GOLGB1: variants seen among roughly 807,000 people sequenced by gnomAD.
GOLGB1 encodes the protein golgin B1.
A neutral mutation model predicts 336.9 loss-of-function variants in GOLGB1; 174 were observed. That is an observed-to-expected ratio of 0.52 (90% CI 0.46 to 0.59). GOLGB1 has a LOEUF of 0.59. Ranked by LOEUF, GOLGB1 falls within the 20% of genes least tolerant of loss-of-function variation. GOLGB1 has a pLI of 0.00. For missense variants in GOLGB1, 3,331 were observed against 3,645.3 expected, an observed-to-expected ratio of 0.91 and a Z score of 2.22; for synonymous variants, 1,208 against 1,289.2, an observed-to-expected ratio of 0.94 and a Z score of 1.35.
chr3:121,671,632 C>A (rs953865309), intron 17 of GOLGB1, among the ~76,000 whole-genome samples: 1 of 152,116 alleles, frequency 6.6e-6, no homozygotes, highest in Non-Finnish European at 1.5e-5. Context: ...TTTGTCTTTC[C>A]TTTACGCTAG....
At chr3:121,699,402 C>T (rs1328818742) in intron 12 of GOLGB1, among the ~76,000 whole-genome samples, 1 of 152,098 alleles carries the variant, frequency 6.6e-6, no homozygotes, top group Non-Finnish European at 1.5e-5. Context: ...AGCAACCATA[C>T]CCTTCTTATA....
At chr3:121,739,876 A>G (rs577122389) in intron 1 of GOLGB1, among the ~76,000 whole-genome samples, 4 of 152,244 alleles carry the variant, frequency 2.6e-5, no homozygotes, top group Non-Finnish European at 4.4e-5. Context: ...CTTCTCAGAA[A>G]TAAAAAGCAA....
chr3:121,719,320 T>C (rs1350324094), intron 7 of GOLGB1, among the ~76,000 whole-genome samples: 2 of 152,210 alleles, frequency 1.3e-5, no homozygotes, highest in Middle Eastern at 6.3e-3. Context: ...CTGACTTCAT[T>C]GATTTGAAGC....
intron 10 of GOLGB1, among the ~76,000 whole-genome samples, chr3:121,710,658 A>C (rs1167940954): frequency 1.3e-5 from 2 of 151,888 alleles, no homozygotes; most frequent in Non-Finnish European, 2.9e-5. Flanking sequence ...GGGCAACATG[A>C]TGAAATTCCA....
intron 14 of GOLGB1, among the ~76,000 whole-genome samples, chr3:121,685,132 C>T (rs918570368): frequency 6.6e-6 from 1 of 152,188 alleles, no homozygotes; most frequent in Non-Finnish European, 1.5e-5. Context: ...AGTAACATGT[C>T]TCTAACGCTC....
In GOLGB1 at chr3:121,714,996, T is replaced by A; in HGVS notation, c.1289-20A>T. 1 of 1,268,670 alleles carries A rather than the reference T, an allele frequency of 7.9e-7. No individual in the cohort carries two copies. The allele number at this position is 1,268,670 out of a possible 1,614,324, so 78.6% of individuals were successfully genotyped here. ...GCTGATCTAAGGAAAAGAAAAAAAA[T>A]AAATGTAATATTTGCTTCAAGTCTG... On this transcript the variant is annotated intron_variant, in intron 9 of 21. Coordinates refer to ENST00000614479, the MANE Select transcript of GOLGB1 (RefSeq NM_001366282.2).
chr3:121,683,448 A>G lies in GOLGB1; in HGVS notation c.8695-1583T>C, dbSNP rs922783163. 2.0e-5 allele frequency among the ~76,000 whole-genome samples: 3 copies of G among 152,304 alleles called. No homozygotes were observed. In the East Asian group the frequency reaches 5.8e-4, roughly 29 times the overall value. ...CCTTTTCCCTCCACAAAGGAAATGA[A>G]AAGTCTTCTCTTGAAAATCTGACCA... On this transcript the variant is annotated intron_variant, in intron 14 of 21. Transcript: ENST00000614479.
At chr3:121,745,302 G>A (rs1397762119) in intron 1 of GOLGB1, among the ~76,000 whole-genome samples, 1 of 148,804 alleles carries the variant, frequency 6.7e-6, no homozygotes, top group Admixed American at 6.7e-5. Context: ...ATACGTGTAT[G>A]TATATATACA....
At chr3:121,677,203 A>T (rs1940514433) in intron 16 of GOLGB1, 82 bp downstream of exon 16, 2 of 1,121,916 alleles carry the variant, frequency 1.8e-6, no homozygotes, top group South Asian at 1.5e-5. Flanking sequence ...GTAGCGTCTT[A>T]AAAAAAAAAC....
chr3:121,715,021 G>A lies in GOLGB1; in HGVS notation c.1289-45C>T, dbSNP rs765483504. 1.4e-5 allele frequency: 14 copies of A among 1,035,304 alleles called. No individual in the cohort carries two copies. In the South Asian group the frequency reaches 1.8e-4, roughly 13 times the overall value. The allele number at this position is 1,035,304 out of a possible 1,614,324, so 64.1% of individuals were successfully genotyped here. ...TAAATGTAATATTTGCTTCAAGTCT[G>A]AAATGTAGTTATTATTATCTTCTAA... On this transcript the variant is annotated intron_variant, in intron 9 of 21. Transcript: ENST00000614479.
At position 121,720,771 on chromosome 3, in the gene GOLGB1, C is replaced by T. The variant is rs551795085; in HGVS notation, c.649-1003G>A. Among the ~76,000 whole-genome samples the T allele has an allele frequency of 5.9e-5, 9 of 152,252 alleles. No individual in the cohort carries two copies. The South Asian group carries it at 1.9e-3, about 32-fold the overall frequency. ...TGTTCCATATTCTTTTCCTTCTCTG[C>T]AGTTTTGCTCACACCGTTCCCCATC... On this transcript the variant is annotated intron_variant, in intron 6 of 21. Transcript: ENST00000614479.
intron 5 of GOLGB1, among the ~76,000 whole-genome samples, chr3:121,724,562 C>CA (rs34839183): frequency 0.46 from 62,545 of 134,862 alleles, 13,831 homozygotes; most frequent in East Asian, 0.57. Flanking sequence ...GAAAACAGAG[C>CA]AAAAAAAAAA....
chr3:121,694,600 C>T lies in GOLGB1; in HGVS notation c.5923G>A (p.Glu1975Lys). ...TCCTTGACTAACTGCTGCTTTTCTT[C>T]TTCCAATTCACTCACACACTTTTTA... ...NLKKCVSELE[E>K]EKQQLVKEKT... The change falls in exon 13 of 22, where the codon GAA becomes AAA. Residue 1975 changes from glutamate to lysine, a missense_variant. By Grantham distance (56) the Glu-to-Lys change is moderately conservative. Transcript: ENST00000614479. 1.9e-6 allele frequency: 3 copies of T among 1,612,282 alleles called. No homozygotes were observed. The highest frequency in any genetic ancestry group is 2.5e-6 in the Non-Finnish European group (3 of 1,179,968).
intron 13 of GOLGB1, among the ~76,000 whole-genome samples, chr3:121,693,123 C>T (rs762920870): frequency 2.6e-5 from 4 of 152,042 alleles, no homozygotes; most frequent in South Asian, 4.2e-4. Context: ...GAAGAAAAGA[C>T]GAGACTAGAC....
At position 121,664,434 on chromosome 3, in the gene GOLGB1, G is replaced by A. The variant is rs1246234685; in HGVS notation, c.*46C>T. ...TGATGTTCTGATGTTAGAGGTGAGA[G>A]AATTCCAAGTTTTGAGGGGAGTGGT... On this transcript the variant is annotated 3_prime_UTR_variant, in exon 22 of 22. Transcript: ENST00000614479. The A allele has an allele frequency of 2.6e-6, 4 of 1,539,780 alleles. No homozygotes were observed. Among genetic ancestry groups the A allele is most frequent in the African/African-American group, 1.4e-5 (1 of 73,572 alleles).
intron 1 of GOLGB1, among the ~76,000 whole-genome samples, chr3:121,739,056 G>C (rs984698018): frequency 2.0e-5 from 3 of 152,128 alleles, no homozygotes; most frequent in Admixed American, 1.3e-4. Flanking sequence ...GAGCCTAGGA[G>C]TTCAAGACTA....
chr3:121,689,235 G>T (rs1170494469), intron 14 of GOLGB1, among the ~76,000 whole-genome samples: 1 of 152,372 alleles, frequency 6.6e-6, no homozygotes, highest in East Asian at 1.9e-4. Flanking sequence ...AAAAGATTGA[G>T]AAATCGGATG....
intron 1 of GOLGB1, among the ~76,000 whole-genome samples, chr3:121,736,021 A>C (rs1160149246): frequency 1.3e-5 from 2 of 152,214 alleles, no homozygotes; most frequent in Non-Finnish European, 2.9e-5. Flanking sequence ...CCAATGATCA[A>C]GGCTAGAATA....
chr3:121,736,203 C>A (rs1488221404), intron 1 of GOLGB1, among the ~76,000 whole-genome samples: 2 of 152,116 alleles, frequency 1.3e-5, no homozygotes, highest in Admixed American at 6.5e-5. Context: ...AGATACGTCC[C>A]CCTCTAAAAA....
Sources: allele counts gnomAD v4.1 joint callset (sites outside exome capture counted in the v4.1 genomes callset), GRCh38; gene constraint gnomAD v4.1.1; transcripts MANE v1.5; gene names NCBI Gene and HGNC (gene_info 2026-07-23, HGNC 2026-07-21).